Variants in PKD2 observed in about 807,000 individuals in gnomAD.
The protein encoded by PKD2 is polycystin 2, transient receptor potential cation channel.
A neutral mutation model predicts 105.9 loss-of-function variants in PKD2; 48 were observed. The observed-to-expected ratio is 0.45, with a 90% CI of 0.36 to 0.58. The LOEUF is 0.58. PKD2 is among the 20% of genes least tolerant of loss of function. PKD2 has a pLI of 0.00. For missense variants in PKD2, 1,078 were observed against 1,255.3 expected (o/e 0.86, Z 2.13); for synonymous variants, 464 against 481.1 (o/e 0.96, Z 0.46).
intron 1 of PKD2, 123 bp downstream of exon 1, chr4:88,008,451 C>T: frequency 8.1e-7 from 1 of 1,229,966 alleles, no homozygotes; most frequent in Non-Finnish European, 1.1e-6. Context: ...TTCCGCCTCC[C>T]TTGGAAGCGC....
Position 88,023,100 on chromosome 4 carries a change from G to GAATA in PKD2, c.709+3540_709+3543dup, listed in dbSNP as rs35080501. On this transcript the variant is annotated intron_variant, in intron 2 of 14. Transcript: ENST00000237596. ...ACCCTGTCTCAAAAAATAAATAAAT[G>GAATA]AATAAATAAATAAAATAAATAAATA... Among the ~76,000 whole-genome samples the GAATA allele has an allele frequency of 2.4e-3, 367 of 150,466 alleles. 3 individuals are homozygous for GAATA. The highest frequency in any genetic ancestry group is 8.6e-3 in the African/African-American group (352 of 40,932).
Position 88,076,189 on chromosome 4 carries a change from G to A in PKD2, c.*495G>A. On this transcript the variant is annotated 3_prime_UTR_variant, in exon 15 of 15. Coordinates refer to ENST00000237596, the MANE Select transcript of PKD2 (RefSeq NM_000297.4). ...AGCCTTTTTTTTCAACTAGCTTCCTGGGGTAAACTTTTCTAAAAGATAAAA... is the reference window on the plus strand; with the variant it reads ...AGCCTTTTTTTTCAACTAGCTTCCTAGGGTAAACTTTTCTAAAAGATAAAA... 1 of 159,156 alleles carries A rather than the reference G, an allele frequency of 6.3e-6. No individual in the cohort carries two copies. The highest frequency in any genetic ancestry group is 1.4e-5 in the Non-Finnish European group (1 of 72,094). 9.9% of individuals were successfully genotyped at this position (159,156 alleles called of 1,614,324 possible).
chr4:88,070,601 T>TATATATATATATAG (rs1313482750), intron 13 of PKD2, among the ~76,000 whole-genome samples: 3 of 91,482 alleles, frequency 3.3e-5, no homozygotes, highest in Admixed American at 1.4e-4. Flanking sequence ...TATATATATA[T>TATATATATATATAG]AGAGAGAGAG....
rs767167265 is a variant in PKD2 at position 88,067,929 on chromosome 4, C to T, written c.2390C>T (p.Pro797Leu). ...EDLDLDHSSL[P>L]RPMSSRSFPR... ...CTGGATTTGGATCACAGTTCTTTAC[C>T]ACGTCCCATGAGCAGCCGAAGTTTC... The change falls in exon 13 of 15, where the codon CCA (proline) becomes CTA (leucine). Residue 797 changes from proline to leucine, a missense_variant. Transcript: ENST00000237596. The T allele has an allele frequency of 1.9e-6, 3 of 1,614,008 alleles. No individual in the cohort carries two copies. The highest frequency in any genetic ancestry group is 3.3e-5 in the Admixed American group (2 of 60,006).
chr4:88,018,647 GA>G (rs1726642594), intron 1 of PKD2, among the ~76,000 whole-genome samples: 2 of 152,226 alleles, frequency 1.3e-5, no homozygotes, highest in Non-Finnish European at 2.9e-5. Context: ...GCTGCTGGCT[GA>G]GTCCAAAACT....
chr4:88,007,799 C>G lies in PKD2; in HGVS notation c.66C>G (p.Arg22=), dbSNP rs1368294684. Reference sequence around the variant, plus strand: ...ACGCCAAGCGGCCGCCCGCGCCCCGCGCGCCGGACCCGGGCCGGCTGATGG... The same window carrying G: ...ACGCCAAGCGGCCGCCCGCGCCCCGGGCGCCGGACCCGGGCCGGCTGATGG... ...PGDAKRPPAP[R]APDPGRLMAG... Residue 22 remains arginine, a synonymous_variant, in exon 1 of 15, where the codon CGC becomes CGG. Transcript: ENST00000237596. 8.6e-7 allele frequency: 1 copy of G among 1,162,614 alleles called. No individual in the cohort carries two copies. The highest frequency in any genetic ancestry group is 1.6e-5 in the African/African-American group (1 of 60,962). 72.0% of individuals were successfully genotyped at this position (1,162,614 alleles called of 1,614,324 possible). A position where few individuals can be genotyped will look rare whatever the true frequency, so the allele number is the denominator to read the frequency against.
intron 1 of PKD2, among the ~76,000 whole-genome samples, chr4:88,009,522 G>C (rs1208740171): frequency 6.6e-6 from 1 of 151,332 alleles, no homozygotes; most frequent in Admixed American, 6.6e-5. Context: ...TGATCATAAC[G>C]CTTAGGACTT....
intron 1 of PKD2, among the ~76,000 whole-genome samples, chr4:88,017,288 TCATA>T (rs768391118): frequency 1.3e-5 from 2 of 152,018 alleles, no homozygotes; most frequent in African/African-American, 4.8e-5. Flanking sequence ...ATAAATAAAT[TCATA>T]CATACATACA....
At chr4:88,030,375 G>T (rs1244296322) in intron 2 of PKD2, among the ~76,000 whole-genome samples, 1 of 152,104 alleles carries the variant, frequency 6.6e-6, no homozygotes, top group Non-Finnish European at 1.5e-5. Context: ...GGGCTCAAGC[G>T]ATCCTCCTGC....
At chr4:88,018,816 TTA>T (rs1038432939) in intron 1 of PKD2, among the ~76,000 whole-genome samples, 2 of 152,224 alleles carry the variant, frequency 1.3e-5, no homozygotes. Context: ...CTTTTAAAGA[TTA>T]TATGTTAATT....
intron 2 of PKD2, among the ~76,000 whole-genome samples, chr4:88,024,286 G>T (rs144921442): frequency 6.6e-6 from 1 of 151,516 alleles, no homozygotes; most frequent in Non-Finnish European, 1.5e-5. Context: ...GCGAGACCTC[G>T]TCTCTACAAG....
chr4:88,007,693 C>G lies in PKD2; in HGVS notation c.-41C>G, dbSNP rs780545127. ...GGCTCCTGAGGCGCACAGCGCCGAG[C>G]GCGGCGCCGCGCACCCGCGCGCCGG... On this transcript the variant is annotated 5_prime_UTR_variant, in exon 1 of 15. Coordinates refer to ENST00000237596, the MANE Select transcript of PKD2 (RefSeq NM_000297.4). The G allele has an allele frequency of 2.6e-6, 3 of 1,139,308 alleles. No homozygotes were observed. Among genetic ancestry groups the G allele is most frequent in the Non-Finnish European group, 3.2e-6 (3 of 924,524 alleles). 70.6% of individuals were successfully genotyped at this position (1,139,308 alleles called of 1,614,324 possible).
intron 13 of PKD2, among the ~76,000 whole-genome samples, chr4:88,071,910 A>G (rs771109099): frequency 1.9e-4 from 28 of 149,018 alleles, no homozygotes; most frequent in Non-Finnish European, 3.7e-4. Flanking sequence ...TTGGGATGTA[A>G]TTTGCTCCAC....
At chr4:88,022,021 C>A (rs1001362999) in intron 2 of PKD2, among the ~76,000 whole-genome samples, 2 of 152,132 alleles carry the variant, frequency 1.3e-5, no homozygotes, top group Non-Finnish European at 2.9e-5. Flanking sequence ...CCATGAGATT[C>A]CTAAACCAGA....
chr4:88,034,884 T>A (rs1727278894), intron 2 of PKD2, among the ~76,000 whole-genome samples: 1 of 152,130 alleles, frequency 6.6e-6, no homozygotes, highest in African/African-American at 2.4e-5. Context: ...TTTTATCAGC[T>A]AATTATAGGA....
rs778009579 is a variant in PKD2 at position 88,043,405 on chromosome 4, T to C, written c.1267T>C (p.Phe423Leu). ...GCTGGACCGAGGAACCAGGGCAACT[T>C]TTATTGACTTCTCAGTGTACAACGC... ...VWLDRGTRATFIDFSVYNANI... is the reference protein window; with the variant it reads ...VWLDRGTRATLIDFSVYNANI... The change falls in exon 5 of 15, where the codon TTT becomes CTT. Residue 423 changes from phenylalanine (F) to leucine (L), a missense_variant. By Grantham distance (22) the Phe-to-Leu change is conservative. This residue lies in a region of PKD2 where 868 missense variants were observed against 1,067.3 expected (regional missense o/e 0.81). Transcript: ENST00000237596. 2 of 1,613,944 alleles carry C rather than the reference T, an allele frequency of 1.2e-6. No homozygotes were observed. Among genetic ancestry groups the C allele is most frequent in the South Asian group, 2.2e-5 (2 of 91,074 alleles).
intron 1 of PKD2, among the ~76,000 whole-genome samples, chr4:88,015,795 T>A (rs563706858): frequency 1.3e-5 from 2 of 152,268 alleles, no homozygotes; most frequent in South Asian, 2.1e-4. Flanking sequence ...CAATTATTTA[T>A]GTTTGGAATA....
intron 2 of PKD2, among the ~76,000 whole-genome samples, chr4:88,027,382 G>A (rs1017817780): frequency 6.6e-5 from 10 of 152,188 alleles, no homozygotes; most frequent in Non-Finnish European, 1.3e-4. Context: ...AGACTTGAAT[G>A]GGGCCTGTGA....
In PKD2 at chr4:88,077,393, A is replaced by G. The variant is rs1721270440; in HGVS notation, c.*1699A>G. 6.6e-6 allele frequency: 1 copy of G among 152,652 alleles called. No individual in the cohort carries two copies. Among genetic ancestry groups the G allele is most frequent in the Non-Finnish European group, 1.5e-5 (1 of 68,050 alleles). 9.5% of individuals were successfully genotyped at this position (152,652 alleles called of 1,614,324 possible). A position where few individuals can be genotyped will look rare whatever the true frequency, so the allele number is the denominator to read the frequency against. The stretch of plus-strand genomic sequence containing the variant: ...TGCATTCCAGGGATATTGACTGTAC[A>G]TATTTATGTATATGTACCATGTTGT... On this transcript the variant is annotated 3_prime_UTR_variant, in exon 15 of 15. Coordinates refer to ENST00000237596, the MANE Select transcript of PKD2 (RefSeq NM_000297.4).
Sources: allele counts gnomAD v4.1 joint callset (sites outside exome capture counted in the v4.1 genomes callset), GRCh38; gene constraint gnomAD v4.1.1; regional missense constraint gnomAD v4.1.1; transcripts MANE v1.5; gene names NCBI Gene and HGNC (gene_info 2026-07-23, HGNC 2026-07-21).